The following TBC1D5 variants were observed in gnomAD, a reference collection of about 807,000 sequenced individuals.
The protein encoded by TBC1D5 is TBC1 domain family member 5.
A neutral mutation model predicts 100.3 loss-of-function variants in TBC1D5; 75 were observed. The ratio of observed to expected loss-of-function variants is 0.75; its 90% CI spans 0.62 to 0.91. TBC1D5 has a LOEUF of 0.91. TBC1D5 is among the 40% of genes least tolerant of loss of function. The pLI is 0.00. For synonymous variants in TBC1D5, 323 were observed against 325.6 expected (o/e 0.99, Z 0.09); for missense variants, 910 against 942.4 (o/e 0.97, Z 0.45).
At chr3:17,275,522 A>ATGCT (rs1260962375) in intron 15 of TBC1D5, among the ~76,000 whole-genome samples, 8 of 152,204 alleles carry the variant, frequency 5.3e-5, no homozygotes, top group Admixed American at 5.2e-4. Context: ...CATGGGCCAC[A>ATGCT]GAGTAAGACT....
intron 1 of TBC1D5, among the ~76,000 whole-genome samples, chr3:17,686,795 T>C (rs34297417): frequency 0.57 from 86,793 of 151,916 alleles, 25,627 homozygotes; most frequent in East Asian, 0.99. Flanking sequence ...AGGCATTTTG[T>C]GTGTCACAAC....
chr3:17,536,614 C>T (rs2096284026), intron 2 of TBC1D5, among the ~76,000 whole-genome samples: 1 of 152,158 alleles, frequency 6.6e-6, no homozygotes, highest in African/African-American at 2.4e-5. Context: ...ACCTGGGGAA[C>T]AGTCTCAAGA....
rs528086712 is a variant in TBC1D5, at chr3:17,455,877, T to C, written c.98-27358A>G. On this transcript the variant is annotated intron_variant, in intron 3 of 21. Coordinates refer to ENST00000253692, the Ensembl canonical transcript of TBC1D5. ...ACAAAAAAGAACACAATAGGAGGAA[T>C]CATATTATCTGATTTCAAATTATAC... Among the ~76,000 whole-genome samples the C allele has an allele frequency of 2.6e-5, 4 of 152,124 alleles. No individual in the cohort carries two copies. The South Asian group carries it at 8.3e-4, about 32-fold the overall frequency.
intron 3 of TBC1D5, among the ~76,000 whole-genome samples, chr3:17,478,581 C>T (rs2095465960): frequency 6.6e-6 from 1 of 152,060 alleles, no homozygotes; most frequent in Non-Finnish European, 1.5e-5. Context: ...AGAATTTTTG[C>T]TTAAAATTAT....
At chr3:17,483,039 T>C (rs897581618) in intron 3 of TBC1D5, among the ~76,000 whole-genome samples, 1 of 152,170 alleles carries the variant, frequency 6.6e-6, no homozygotes, top group African/African-American at 2.4e-5. Context: ...ATACACCTAA[T>C]CTATGTGAAT....
chr3:17,484,614 G>C (rs57427954), intron 3 of TBC1D5, among the ~76,000 whole-genome samples: 11,978 of 151,584 alleles, frequency 0.079, 952 homozygotes, highest in African/African-American at 0.22. Flanking sequence ...TCCCAAGTAG[G>C]TGAGACCAAA....
intron 1 of TBC1D5, among the ~76,000 whole-genome samples, chr3:17,640,798 G>T (rs1022938836): frequency 1.3e-5 from 2 of 151,802 alleles, no homozygotes; most frequent in African/African-American, 2.4e-5. Context: ...TTTTCATAAA[G>T]AACAAACTAT....
chr3:17,223,900 AAAAACAAAAC>A (rs142249829), intron 17 of TBC1D5, among the ~76,000 whole-genome samples: 21 of 150,548 alleles, frequency 1.4e-4, no homozygotes, highest in South Asian at 2.1e-4. Flanking sequence ...TCTGTCTCAA[AAAAACAAAAC>A]AAAACAAAAC....
chr3:17,401,282 C>T (rs2093636935), intron 8 of TBC1D5, among the ~76,000 whole-genome samples: 3 of 146,094 alleles, frequency 2.1e-5, no homozygotes, highest in South Asian at 2.1e-4. Flanking sequence ...GTATAATACA[C>T]ATATATATGT....
At chr3:17,576,850 G>A (rs2096660031) in intron 2 of TBC1D5, among the ~76,000 whole-genome samples, 1 of 151,878 alleles carries the variant, frequency 6.6e-6, no homozygotes, top group South Asian at 2.1e-4. Context: ...GTCTTCCCAA[G>A]GGGAACACTT....
At chr3:17,301,429 TAATCACAGC>T (rs769854732) in intron 14 of TBC1D5, among the ~76,000 whole-genome samples, 24 of 152,224 alleles carry the variant, frequency 1.6e-4, no homozygotes, top group Non-Finnish European at 2.8e-4. Context: ...GTCTTCTTAG[TAATCACAGC>T]ACACAAATCC....
intron 3 of TBC1D5, among the ~76,000 whole-genome samples, chr3:17,494,699 A>T (rs546336455): frequency 6.6e-6 from 1 of 152,164 alleles, no homozygotes; most frequent in Non-Finnish European, 1.5e-5. Context: ...CTGGGCTGTG[A>T]GGAATTCCTC....
At chr3:17,350,003 G>A (rs1414390164) in intron 13 of TBC1D5, among the ~76,000 whole-genome samples, 2 of 152,020 alleles carry the variant, frequency 1.3e-5, no homozygotes, top group Non-Finnish European at 2.9e-5. Context: ...ATTGTTGCCC[G>A]GGTGTTTCAT....
chr3:17,297,269 T>C (rs1416592990), intron 14 of TBC1D5, among the ~76,000 whole-genome samples: 4 of 152,180 alleles, frequency 2.6e-5, no homozygotes, highest in Non-Finnish European at 5.9e-5. Context: ...TCAAATGAGA[T>C]GATATAGCGT....
At chr3:17,444,088 G>C (rs1575985239) in intron 3 of TBC1D5, among the ~76,000 whole-genome samples, 1 of 152,058 alleles carries the variant, frequency 6.6e-6, no homozygotes, top group Admixed American at 6.5e-5. Context: ...ATAAAAATGA[G>C]ATTATAACAG....
intron 16 of TBC1D5, among the ~76,000 whole-genome samples, chr3:17,248,758 T>G (rs977594343): frequency 6.6e-6 from 1 of 152,188 alleles, no homozygotes; most frequent in African/African-American, 2.4e-5. Context: ...TTTGAAATTT[T>G]GATGCCAGGC....
chr3:17,638,647 T>C (rs1240951241), intron 1 of TBC1D5, among the ~76,000 whole-genome samples: 1 of 152,164 alleles, frequency 6.6e-6, no homozygotes, highest in Non-Finnish European at 1.5e-5. Context: ...TGTTTTTCAA[T>C]AACCACACAA....
intron 13 of TBC1D5, among the ~76,000 whole-genome samples, chr3:17,328,832 TG>T (rs1559643726): frequency 1.3e-5 from 2 of 152,238 alleles, no homozygotes; most frequent in African/African-American, 4.8e-5. Context: ...TCATGGATAA[TG>T]GATCCATCAA....
intron 2 of TBC1D5, among the ~76,000 whole-genome samples, chr3:17,612,634 A>C (rs1381015983): frequency 1.3e-5 from 2 of 152,118 alleles, no homozygotes; most frequent in Non-Finnish European, 2.9e-5. Context: ...CTATCTCAAA[A>C]AAAATAAAAA....
Sources: gnomAD v4.1 joint callset for allele counts (sites outside exome capture counted in the v4.1 genomes callset) on GRCh38, gnomAD v4.1.1 for gene constraint, MANE v1.5 for transcripts, NCBI Gene and HGNC (gene_info 2026-07-23, HGNC 2026-07-21) for gene names.